The following GTPBP10 variants were observed in gnomAD, a reference collection of about 807,000 sequenced individuals.
GTPBP10 encodes GTP binding protein 10, also known as GTP-binding protein 10.
A neutral mutation model predicts 44.8 loss-of-function variants in GTPBP10; 38 were observed. The observed-to-expected ratio is 0.85, with a 90% CI of 0.65 to 1.11. The LOEUF (loss-of-function observed/expected upper bound fraction) is 1.11, where lower values mean the gene tolerates loss of function less well. GTPBP10 is among the 50% of genes most tolerant of loss of function. GTPBP10 has a pLI of 0.00. For missense variants in GTPBP10, 462 were observed against 453.7 expected (o/e 1.02, Z -0.17); for synonymous variants, 152 against 150.6 (o/e 1.01, Z -0.07).
At chr7:90,382,450 G>T (rs1283035944) in intron 8 of GTPBP10, among the ~76,000 whole-genome samples, 3 of 152,066 alleles carry the variant, frequency 2.0e-5, no homozygotes, top group African/African-American at 7.2e-5. Context: ...TACAAACAGG[G>T]CTTCGCTCTG....
At chr7:90,378,859 C>T (rs535883632) in intron 8 of GTPBP10, among the ~76,000 whole-genome samples, 5 of 152,098 alleles carry the variant, frequency 3.3e-5, no homozygotes, top group South Asian at 2.1e-4. Flanking sequence ...TGTGCCACCA[C>T]GCCCGGCTAA....
chr7:90,371,550 C>T (rs1796257908), intron 4 of GTPBP10, among the ~76,000 whole-genome samples: 1 of 152,152 alleles, frequency 6.6e-6, no homozygotes, highest in East Asian at 1.9e-4. Flanking sequence ...GACAACTGAC[C>T]CAGTTTCTTT....
rs180777198 is a variant in GTPBP10 at position 90,386,579 on chromosome 7, C to G, written c.*1425C>G. ...GCATGGTGGTGCAGGCCAGACATAGCGGTACATGCCTGTAATCCTAGCACT... is the reference window on the plus strand; with the variant it reads ...GCATGGTGGTGCAGGCCAGACATAGGGGTACATGCCTGTAATCCTAGCACT... On this transcript the variant is annotated 3_prime_UTR_variant, in exon 10 of 10. Transcript: ENST00000222511. 1 of 151,962 alleles carries G rather than the reference C, an allele frequency of 6.6e-6. No homozygotes were observed. Among genetic ancestry groups the G allele is most frequent in the Non-Finnish European group, 1.5e-5 (1 of 67,974 alleles). The allele number at this position is 151,962 out of a possible 1,614,324, so 9.4% of individuals were successfully genotyped here.
intron 4 of GTPBP10, among the ~76,000 whole-genome samples, chr7:90,360,910 C>T (rs186979274): frequency 1.3e-5 from 2 of 151,976 alleles, no homozygotes; most frequent in South Asian, 2.1e-4. Flanking sequence ...TGTGAATGGG[C>T]GTTCACTCAT....
chr7:90,354,396 ATGTG>A, intron 2 of GTPBP10, 58 bp from the exon 3 acceptor site: 3 of 669,976 alleles, frequency 4.5e-6, no homozygotes, highest in South Asian at 3.0e-5. Context: ...TTTTGTGTGT[ATGTG>A]TGTGTGTGTA....
chr7:90,372,419 A>G (rs1181773249), intron 5 of GTPBP10, among the ~76,000 whole-genome samples, 191 bp downstream of exon 5: 1 of 139,524 alleles, frequency 7.2e-6, no homozygotes. Context: ...GGCTCAAGCC[A>G]TCCCCCTGCA....
chr7:90,382,810 T>A (rs1243407552), intron 8 of GTPBP10, 146 bp from the exon 9 acceptor site: 1 of 470,736 alleles, frequency 2.1e-6, no homozygotes, highest in Non-Finnish European at 3.8e-6. Context: ...TTTTCTGAAA[T>A]TCTTCCTTTT....
intron 5 of GTPBP10, among the ~76,000 whole-genome samples, chr7:90,373,291 G>T (rs1454081941): frequency 7.2e-5 from 11 of 152,216 alleles, no homozygotes; most frequent in Non-Finnish European, 5.9e-5. Context: ...TCCTCACAGA[G>T]ATCTCGGCCT....
intron 4 of GTPBP10, among the ~76,000 whole-genome samples, chr7:90,365,522 C>A (rs1184354673): frequency 6.6e-6 from 1 of 150,764 alleles, no homozygotes; most frequent in Non-Finnish European, 1.5e-5. Context: ...ACTACAGGCG[C>A]CCGCCACTAC....
At chr7:90,371,314 C>CTT in intron 4 of GTPBP10, 3 of 224,056 alleles carry the variant, frequency 1.3e-5, no homozygotes, top group Non-Finnish European at 1.5e-5. Flanking sequence ...GTAAATTACA[C>CTT]TTCACCATTG....
intron 4 of GTPBP10, among the ~76,000 whole-genome samples, chr7:90,359,621 T>C (rs1361680743): frequency 6.6e-6 from 1 of 152,202 alleles, no homozygotes; most frequent in African/African-American, 2.4e-5. Flanking sequence ...TCTGTCTTTA[T>C]AGCAGCATGA....
intron 4 of GTPBP10, among the ~76,000 whole-genome samples, chr7:90,356,215 A>C (rs17867137): frequency 0.014 from 2,141 of 152,234 alleles, 57 homozygotes; most frequent in African/African-American, 0.049. Context: ...ACTAGAGCTT[A>C]CCACCATTGG....
Position 90,385,414 on chromosome 7 carries a change from C to T in GTPBP10, c.*260C>T. ...ACAAAATTTCAGTTAGACAAGGCAA[C>T]TGAGTTCAAGAGATCTGTTGTACAG... On this transcript the variant is annotated 3_prime_UTR_variant, in exon 10 of 10. Coordinates refer to ENST00000222511, the MANE Select transcript of GTPBP10 (RefSeq NM_033107.4). 2 of 288,526 alleles carry T rather than the reference C, an allele frequency of 6.9e-6. No individual in the cohort carries two copies. Among genetic ancestry groups the T allele is most frequent in the Non-Finnish European group, 1.3e-5 (2 of 155,056 alleles). 17.9% of individuals were successfully genotyped at this position (288,526 alleles called of 1,614,324 possible). A position where few individuals can be genotyped will look rare whatever the true frequency, so the allele number is the denominator to read the frequency against.
At chr7:90,372,939 G>A (rs1010827753) in intron 5 of GTPBP10, among the ~76,000 whole-genome samples, 9 of 152,108 alleles carry the variant, frequency 5.9e-5, no homozygotes, top group Admixed American at 1.3e-4. Flanking sequence ...TAAATATAAG[G>A]GAATATGAAA....
intron 2 of GTPBP10, 43 bp from the exon 3 acceptor site, chr7:90,354,415 T>C (rs1017685012): frequency 9.4e-6 from 9 of 955,250 alleles, no homozygotes; most frequent in African/African-American, 8.6e-5. Context: ...TGTGTATATA[T>C]ACACACACAC....
rs1796601092 is a variant in GTPBP10, at chr7:90,390,824, AG to A, written c.*5672del. 6.6e-6 allele frequency: 1 copy of A among 152,214 alleles called. No homozygotes were observed. The allele number at this position is 152,214 out of a possible 1,614,324, so 9.4% of individuals were successfully genotyped here. ...GTTATTGGTATTATTTCTATATAAA[AG>A]GCTTTAAGAAGACTATAGTATAATT... On this transcript the variant is annotated 3_prime_UTR_variant, in exon 10 of 10. Transcript: ENST00000222511.
At chr7:90,361,855 T>G (rs963790542) in intron 4 of GTPBP10, among the ~76,000 whole-genome samples, 3 of 152,210 alleles carry the variant, frequency 2.0e-5, no homozygotes, top group Non-Finnish European at 4.4e-5. Context: ...TGGTTTAGTC[T>G]TGGGAGGGTA....
At position 90,358,558 on chromosome 7, in the gene GTPBP10, A is replaced by T. The variant is rs28945394; in HGVS notation, c.464+3328A>T. ...CAAAAAATGATGCTGAGAAAATTGG[A>T]TATCCAAATGTAGAATAATGAAACT... On this transcript the variant is annotated intron_variant, in intron 4 of 9. Transcript: ENST00000222511. Among the ~76,000 whole-genome samples the T allele has an allele frequency of 1.7e-4, 26 of 152,328 alleles. No individual in the cohort carries two copies. The East Asian group carries it at 5.0e-3, about 29-fold the overall frequency.
chr7:90,381,180 C>T (rs1482398793), intron 8 of GTPBP10, among the ~76,000 whole-genome samples: 1 of 152,134 alleles, frequency 6.6e-6, no homozygotes, highest in African/African-American at 2.4e-5. Context: ...TATGGTAGTT[C>T]TATTTTTAAT....
Sources: gnomAD v4.1 joint callset for allele counts (sites outside exome capture counted in the v4.1 genomes callset) on GRCh38, gnomAD v4.1.1 for gene constraint, MANE v1.5 for transcripts, NCBI Gene and HGNC (gene_info 2026-07-23, HGNC 2026-07-21) for gene names.